The following LRRIQ3 variants were observed in gnomAD, a reference collection of about 807,000 sequenced individuals.
The protein encoded by LRRIQ3 is leucine rich repeats and IQ motif containing 3.
LRRIQ3 carries 75 observed loss-of-function variants against 59.3 expected under a neutral mutation model. The ratio of observed to expected loss-of-function variants is 1.26; its 90% CI spans 1.05 to 1.53. The LOEUF is 1.53. Ranked by LOEUF, LRRIQ3 falls within the 40% of genes most tolerant of loss-of-function variation. The pLI is 0.00. For missense variants in LRRIQ3, 831 were observed against 710.0 expected (o/e 1.17, Z -1.94); for synonymous variants, 250 against 231.3 (o/e 1.08, Z -0.73).
intron 1 of LRRIQ3, among the ~76,000 whole-genome samples, chr1:74,196,694 C>T (rs1170695156): frequency 6.6e-6 from 1 of 152,202 alleles, no homozygotes; most frequent in Non-Finnish European, 1.5e-5. Flanking sequence ...TTACAGTCCA[C>T]ACCCATTAAT....
intron 4 of LRRIQ3, among the ~76,000 whole-genome samples, chr1:74,151,342 T>C (rs1647935315): frequency 6.6e-6 from 1 of 152,154 alleles, no homozygotes; most frequent in Non-Finnish European, 1.5e-5. Context: ...GGCAGTGACA[T>C]AGTTTTCTAA....
intron 4 of LRRIQ3, among the ~76,000 whole-genome samples, chr1:74,116,293 C>A (rs1342552512): frequency 1.3e-5 from 2 of 151,926 alleles, no homozygotes; most frequent in Non-Finnish European, 2.9e-5. Context: ...TCACTGTGTT[C>A]TTTTGTAACT....
intron 5 of LRRIQ3, chr1:74,095,085 C>T (rs1646434858): frequency 6.6e-6 from 1 of 152,098 alleles, no homozygotes; most frequent in Non-Finnish European, 1.5e-5. Context: ...AAAGTAAACA[C>T]AATAGCTGTG....
At chr1:74,191,953 T>C (rs1281637828) in intron 1 of LRRIQ3, among the ~76,000 whole-genome samples, 1 of 152,078 alleles carries the variant, frequency 6.6e-6, no homozygotes, top group Non-Finnish European at 1.5e-5. Context: ...TAATTCTTAA[T>C]TATATTCTCA....
chr1:74,028,128 G>A (rs1231680946), intron 7 of LRRIQ3, among the ~76,000 whole-genome samples: 2 of 152,034 alleles, frequency 1.3e-5, no homozygotes, highest in East Asian at 3.9e-4. Context: ...CCAAGAACTG[G>A]CATCAATCTA....
At chr1:74,042,710 G>A (rs1045149343) in intron 6 of LRRIQ3, among the ~76,000 whole-genome samples, 2 of 152,100 alleles carry the variant, frequency 1.3e-5, no homozygotes, top group South Asian at 2.1e-4. Context: ...AATAGTAGCA[G>A]CCATCAATCG....
At chr1:74,078,416 C>T (rs1164010182) in intron 5 of LRRIQ3, among the ~76,000 whole-genome samples, 2 of 151,812 alleles carry the variant, frequency 1.3e-5, no homozygotes, top group Non-Finnish European at 2.9e-5. Context: ...ATAGTGTCAA[C>T]AGCCTGGAAG....
At chr1:74,135,352 C>T (rs964398940) in intron 4 of LRRIQ3, among the ~76,000 whole-genome samples, 2 of 151,862 alleles carry the variant, frequency 1.3e-5, no homozygotes, top group African/African-American at 4.8e-5. Flanking sequence ...AATGACAACA[C>T]AATAAATCAA....
intron 6 of LRRIQ3, among the ~76,000 whole-genome samples, chr1:74,065,109 C>T (rs897829074): frequency 7.9e-5 from 12 of 152,062 alleles, no homozygotes; most frequent in African/African-American, 2.9e-4. Flanking sequence ...ACTGTACTTA[C>T]AATCAAAGAA....
intron 6 of LRRIQ3, among the ~76,000 whole-genome samples, chr1:74,053,394 A>C (rs2100421810): frequency 6.6e-6 from 1 of 152,286 alleles, no homozygotes; most frequent in African/African-American, 2.4e-5. Context: ...ATTTCATTAA[A>C]ATTAAAATTT....
intron 1 of LRRIQ3, among the ~76,000 whole-genome samples, chr1:74,195,341 T>TA (rs1651043141): frequency 6.6e-6 from 1 of 152,106 alleles, no homozygotes; most frequent in African/African-American, 2.4e-5. Flanking sequence ...CCACAGTATA[T>TA]AATCCAGGAC....
At chr1:74,158,467 T>C (rs979431282) in intron 3 of LRRIQ3, among the ~76,000 whole-genome samples, 11 of 152,320 alleles carry the variant, frequency 7.2e-5, no homozygotes, top group African/African-American at 1.9e-4. Flanking sequence ...TTTTGCCATC[T>C]GTATTTCTTG....
At chr1:74,104,852 TC>T (rs1486002795) in intron 5 of LRRIQ3, among the ~76,000 whole-genome samples, 2 of 152,010 alleles carry the variant, frequency 1.3e-5, no homozygotes, top group Non-Finnish European at 2.9e-5. Flanking sequence ...TATGGGTCCA[TC>T]TATTTAATAA....
intron 6 of LRRIQ3, among the ~76,000 whole-genome samples, chr1:74,059,211 G>A (rs1295699336): frequency 6.6e-6 from 1 of 151,902 alleles, no homozygotes; most frequent in Non-Finnish European, 1.5e-5. Context: ...CTTTGATGTG[G>A]TTCAATCTTT....
intron 7 of LRRIQ3, among the ~76,000 whole-genome samples, chr1:74,039,849 C>T (rs937245296): frequency 6.6e-6 from 1 of 152,068 alleles, no homozygotes; most frequent in Non-Finnish European, 1.5e-5. Context: ...AATATAATGA[C>T]CAATGACACT....
chr1:74,189,208 G>A (rs1256897467), intron 1 of LRRIQ3, among the ~76,000 whole-genome samples: 1 of 152,128 alleles, frequency 6.6e-6, no homozygotes, highest in Non-Finnish European at 1.5e-5. Context: ...ATGTGTGTCT[G>A]AAATAGGGTA....
In LRRIQ3 at chr1:74,041,865, GT is replaced by G; in HGVS notation, c.1065del (p.Lys355AsnfsTer10). 6.2e-7 allele frequency: 1 copy of G among 1,610,944 alleles called. No individual in the cohort carries two copies. Among genetic ancestry groups the G allele is most frequent in the Non-Finnish European group, 8.5e-7 (1 of 1,178,610 alleles). On this transcript the variant is annotated frameshift_variant, in exon 7 of 8. Coordinates refer to ENST00000354431, the MANE Select transcript of LRRIQ3 (RefSeq NM_001105659.2). LOFTEE classifies it high-confidence loss of function. ...AATGAACCTGAAGTGTATATGGGTA[GT>G]TTGAAAACTGATATCCTAAAACTGG... ...LDTSFRISVFKLPIYTSGSLK... is the reference protein window; with the variant it reads ...LDTSFRISVFXLPIYTSGSLK...
intron 7 of LRRIQ3, 136 bp downstream of exon 7, chr1:74,041,077 G>A (rs1455099315): frequency 1.1e-5 from 8 of 709,946 alleles, no homozygotes; most frequent in Non-Finnish European, 1.8e-5. Context: ...TATATTATTT[G>A]TTCTTTGTTT....
chr1:74,114,949 A>G (rs927262890), intron 4 of LRRIQ3, among the ~76,000 whole-genome samples: 1 of 152,078 alleles, frequency 6.6e-6, no homozygotes, highest in African/African-American at 2.4e-5. Context: ...ATTTTATACA[A>G]TTATATGATT....
Sources: allele counts gnomAD v4.1 joint callset (sites outside exome capture counted in the v4.1 genomes callset), GRCh38; gene constraint gnomAD v4.1.1; transcripts MANE v1.5; gene names NCBI Gene and HGNC (gene_info 2026-07-23, HGNC 2026-07-21).